ARHGAP24: variants seen among roughly 807,000 people sequenced by gnomAD.
ARHGAP24 encodes rho GTPase-activating protein 24.
In ARHGAP24, 50 loss-of-function variants were observed where a neutral mutation model predicts 76.4. That is an observed-to-expected ratio of 0.65 (90% CI 0.52 to 0.83). ARHGAP24 has a LOEUF of 0.83. Among genes scored for constraint, ARHGAP24 ranks in the 40% least tolerant of loss-of-function variants. The pLI is 0.00. For missense variants in ARHGAP24, 930 were observed against 914.2 expected (o/e 1.02, Z -0.22); for synonymous variants, 345 against 323.3 (o/e 1.07, Z -0.72).
intron 1 of ARHGAP24, among the ~76,000 whole-genome samples, chr4:85,531,026 G>T (rs1297933611): frequency 6.6e-6 from 1 of 151,962 alleles, no homozygotes; most frequent in Non-Finnish European, 1.5e-5. Flanking sequence ...CCAGATGGCT[G>T]ATTTTCTATT....
intron 4 of ARHGAP24, among the ~76,000 whole-genome samples, chr4:85,939,447 C>G (rs1346911638): frequency 6.6e-6 from 1 of 152,154 alleles, no homozygotes; most frequent in East Asian, 1.9e-4. Flanking sequence ...CAAATTATTT[C>G]ATCTCTCTGA....
At chr4:85,914,660 T>C (rs185903820) in intron 3 of ARHGAP24, among the ~76,000 whole-genome samples, 28 of 152,328 alleles carry the variant, frequency 1.8e-4, no homozygotes, top group Admixed American at 2.6e-4. Context: ...TCATGACCAT[T>C]AGGAATGCCT....
At chr4:85,622,538 A>G (rs1305444497) in intron 2 of ARHGAP24, among the ~76,000 whole-genome samples, 2 of 151,948 alleles carry the variant, frequency 1.3e-5, no homozygotes. Flanking sequence ...GCTATTGTGA[A>G]TAGTGCTGCT....
chr4:85,513,870 C>G (rs1724381596), intron 1 of ARHGAP24, among the ~76,000 whole-genome samples: 1 of 152,054 alleles, frequency 6.6e-6, no homozygotes, highest in Admixed American at 6.6e-5. Flanking sequence ...GTTGCTTGTC[C>G]CAGAGGTTTC....
chr4:85,847,976 G>C (rs1028991366), intron 3 of ARHGAP24, among the ~76,000 whole-genome samples: 3 of 152,082 alleles, frequency 2.0e-5, no homozygotes, highest in African/African-American at 2.4e-5. Context: ...ATCTAGGCAT[G>C]TACTGTGCAG....
intron 3 of ARHGAP24, among the ~76,000 whole-genome samples, chr4:85,741,120 T>C (rs1402129152): frequency 6.6e-6 from 1 of 152,222 alleles, no homozygotes; most frequent in Non-Finnish European, 1.5e-5. Flanking sequence ...ATAACCATTT[T>C]GCTGTTCTTT....
intron 9 of ARHGAP24, chr4:85,999,902 A>AT (rs562523622): frequency 1.3e-5 from 2 of 152,848 alleles, no homozygotes; most frequent in Non-Finnish European, 2.9e-5. Flanking sequence ...TGCAGTGCTT[A>AT]TTTAACACAT....
At chr4:85,510,000 C>T (rs898960145) in intron 1 of ARHGAP24, among the ~76,000 whole-genome samples, 2 of 152,110 alleles carry the variant, frequency 1.3e-5, no homozygotes, top group Non-Finnish European at 2.9e-5. Flanking sequence ...TTGATCTTTA[C>T]TATTCAGAAA....
intron 1 of ARHGAP24, among the ~76,000 whole-genome samples, chr4:85,526,664 A>G (rs1725013299): frequency 6.6e-6 from 1 of 152,080 alleles, no homozygotes; most frequent in Non-Finnish European, 1.5e-5. Context: ...CTTTTATCCC[A>G]TCTCTTTCTT....
chr4:85,720,734 G>T (rs1475308046), intron 2 of ARHGAP24, among the ~76,000 whole-genome samples: 1 of 152,112 alleles, frequency 6.6e-6, no homozygotes, highest in Non-Finnish European at 1.5e-5. Flanking sequence ...AATATTTAAA[G>T]GTCAATTAGA....
chr4:85,932,261 A>AT (rs147007733), intron 4 of ARHGAP24, among the ~76,000 whole-genome samples: 25,780 of 152,094 alleles, frequency 0.17, 2,443 homozygotes, highest in South Asian at 0.34. Flanking sequence ...GAAATTAACA[A>AT]TGACAGAAAT....
chr4:85,747,788 T>A (rs1726105914), intron 3 of ARHGAP24, among the ~76,000 whole-genome samples: 1 of 152,220 alleles, frequency 6.6e-6, no homozygotes, highest in Non-Finnish European at 1.5e-5. Flanking sequence ...ATAGAATAAT[T>A]TGTAATTTTT....
At chr4:85,885,895 G>A (rs941701699) in intron 3 of ARHGAP24, among the ~76,000 whole-genome samples, 1 of 151,992 alleles carries the variant, frequency 6.6e-6, no homozygotes, top group Admixed American at 6.6e-5. Flanking sequence ...GCAAAATTTT[G>A]GATTAGTTAT....
At chr4:85,915,104 G>C (rs941985021) in intron 3 of ARHGAP24, among the ~76,000 whole-genome samples, 3 of 152,202 alleles carry the variant, frequency 2.0e-5, no homozygotes, top group African/African-American at 7.2e-5. Flanking sequence ...ACTAGATTCT[G>C]AATCTCTGAC....
At chr4:85,831,508 G>A (rs1240854147) in intron 3 of ARHGAP24, among the ~76,000 whole-genome samples, 2 of 152,164 alleles carry the variant, frequency 1.3e-5, no homozygotes, top group Non-Finnish European at 2.9e-5. Flanking sequence ...ACTGGAGTGT[G>A]TTCCTTCTCC....
intron 5 of ARHGAP24, among the ~76,000 whole-genome samples, chr4:85,955,349 A>C (rs1182663247): frequency 6.6e-6 from 1 of 151,400 alleles, no homozygotes; most frequent in Non-Finnish European, 1.5e-5. Context: ...TAGGGTTGCC[A>C]TAAAAAAGCA....
Position 85,643,415 on chromosome 4 carries a change from C to T in ARHGAP24, c.180+72694C>T, listed in dbSNP as rs531933951. On this transcript the variant is annotated intron_variant, in intron 2 of 9. Transcript: ENST00000395184. ...CTGGGACTACAGGCGCCCGCCACCG[C>T]GCCCGGCTAATTTTTTGTATTTTTA... Among the ~76,000 whole-genome samples the T allele has an allele frequency of 2.4e-3, 291 of 120,356 alleles. 24 individuals carry two copies. The highest frequency in any genetic ancestry group is 7.7e-3 in the African/African-American group (276 of 35,736). 79.0% of individuals were successfully genotyped at this position (120,356 alleles called of 152,430 possible). A position where few individuals can be genotyped will look rare whatever the true frequency, so the allele number is the denominator to read the frequency against.
intron 3 of ARHGAP24, among the ~76,000 whole-genome samples, chr4:85,727,780 A>T (rs1725225059): frequency 6.6e-6 from 1 of 152,158 alleles, no homozygotes. Flanking sequence ...ATGGCTTTCA[A>T]GGGCAATTGT....
chr4:85,617,853 A>G lies in ARHGAP24; in HGVS notation c.180+47132A>G, dbSNP rs534259823. On this transcript the variant is annotated intron_variant, in intron 2 of 9. Transcript: ENST00000395184. The stretch of plus-strand genomic sequence containing the variant: ...TTTTTGCTTCCAGCTTTATTGATGT[A>G]TAGTTGAGAAACAAAAATTCTATAT... Among the ~76,000 whole-genome samples the G allele has an allele frequency of 9.2e-5, 14 of 152,278 alleles. No individual in the cohort carries two copies. In the South Asian group the frequency reaches 2.5e-3, roughly 27 times the overall value.
Sources: gnomAD v4.1 joint callset for allele counts (sites outside exome capture counted in the v4.1 genomes callset) on GRCh38, gnomAD v4.1.1 for gene constraint, MANE v1.5 for transcripts, NCBI Gene and HGNC (gene_info 2026-07-23, HGNC 2026-07-21) for gene names.